SEC63: variants seen among roughly 807,000 people sequenced by gnomAD.
SEC63 encodes translocation protein SEC63 homolog.
Under a neutral mutation model 116.2 loss-of-function variants are expected in SEC63, and 56 were observed. That is an observed-to-expected ratio of 0.48 (90% CI 0.39 to 0.60). The LOEUF is 0.60. SEC63 is among the 20% of genes least tolerant of loss of function. The pLI is 0.00. For missense variants in SEC63, 668 were observed against 900.0 expected (o/e 0.74, Z 3.30); for synonymous variants, 273 against 294.6 (o/e 0.93, Z 0.75).
At chr6:107,909,596 CA>C (rs1214897715) in intron 7 of SEC63, among the ~76,000 whole-genome samples, 1 of 152,150 alleles carries the variant, frequency 6.6e-6, no homozygotes, top group Non-Finnish European at 1.5e-5. Flanking sequence ...ATAATCAAAA[CA>C]TTTACCATTT....
In SEC63 at chr6:107,870,563, C is replaced by T. The variant is rs1786107214; in HGVS notation, c.*1141G>A. On this transcript the variant is annotated 3_prime_UTR_variant, in exon 21 of 21. Coordinates refer to ENST00000369002, the MANE Select transcript of SEC63 (RefSeq NM_007214.5). Reference sequence around the variant, plus strand: ...CCTCAATGATTCATCATGTACACATCTCTACTCTTTACAAGCACTATCCTT... The same window carrying T: ...CCTCAATGATTCATCATGTACACATTTCTACTCTTTACAAGCACTATCCTT... The T allele has an allele frequency of 6.6e-6, 1 of 152,292 alleles. No homozygotes were observed. Among genetic ancestry groups the T allele is most frequent in the Non-Finnish European group, 1.5e-5 (1 of 68,028 alleles). The allele number at this position is 152,292 out of a possible 1,614,324, so 9.4% of individuals were successfully genotyped here.
Position 107,958,149 on chromosome 6 carries a change from T to C in SEC63, c.-140A>G, listed in dbSNP as rs1305924664. 1.5e-6 allele frequency: 2 copies of C among 1,338,782 alleles called. No homozygotes were observed. Among genetic ancestry groups the C allele is most frequent in the African/African-American group, 3.0e-5 (2 of 66,366 alleles). 82.9% of individuals were successfully genotyped at this position (1,338,782 alleles called of 1,614,324 possible). A position where few individuals can be genotyped will look rare whatever the true frequency, so the allele number is the denominator to read the frequency against. On this transcript the variant is annotated 5_prime_UTR_variant, in exon 1 of 21. Transcript: ENST00000369002. ...TCTCCTCCCCGCCCCCACGCCACTC[T>C]CACGGACACGCCGCCGCCACCTCTG... is the stretch of plus-strand genomic sequence containing the variant.
chr6:107,893,107 T>TACAC (rs55814816), intron 16 of SEC63, among the ~76,000 whole-genome samples: 97 of 145,918 alleles, frequency 6.6e-4, no homozygotes, highest in East Asian at 4.1e-3. Flanking sequence ...TGAAATACTA[T>TACAC]ACACACACAC....
rs1419628762 is a variant in SEC63, at chr6:107,953,761, C to T, written c.124+4125G>A. 7.9e-3 allele frequency among the ~76,000 whole-genome samples: 1,110 copies of T among 140,468 alleles called. 16 individuals carry two copies. Among genetic ancestry groups the T allele is most frequent in the African/African-American group, 0.028 (1,062 of 37,544 alleles). 92.2% of individuals were successfully genotyped at this position (140,468 alleles called of 152,430 possible). ...GAGGGAGGTGGGGGGTTCAGCCCCC[C>T]GCCCGGCCAGCCGCCCCGTCCGGGA... On this transcript the variant is annotated intron_variant, in intron 1 of 20. Coordinates refer to ENST00000369002, the MANE Select transcript of SEC63 (RefSeq NM_007214.5).
intron 16 of SEC63, among the ~76,000 whole-genome samples, chr6:107,885,514 A>G (rs1364692171): frequency 3.3e-5 from 5 of 152,240 alleles, no homozygotes; most frequent in Non-Finnish European, 5.9e-5. Flanking sequence ...ATCCAAATTA[A>G]TGAAGATAAA....
intron 18 of SEC63, chr6:107,876,887 A>G: frequency 4.0e-6 from 2 of 500,236 alleles, no homozygotes; most frequent in East Asian, 3.5e-5. Flanking sequence ...GGGGATTTCA[A>G]TAGCTCCTTA....
intron 19 of SEC63, among the ~76,000 whole-genome samples, chr6:107,874,684 T>TC (rs1375106990): frequency 6.6e-6 from 1 of 152,108 alleles, no homozygotes; most frequent in Non-Finnish European, 1.5e-5. Context: ...AAATCTCTTT[T>TC]TTTCTTTCTT....
Position 107,906,527 on chromosome 6 carries a change from G to C in SEC63, c.882C>G (p.Thr294=), listed in dbSNP as rs746631731. The change falls in exon 10 of 21, where the codon ACC becomes ACG. Residue 294 remains threonine (T), a synonymous_variant. Transcript: ENST00000369002. ...CTCTGGCCTTCAGGCTATATGGGCA[G>C]GTAAGTGGAGGCTCATTCTTCTTTA... ...INLKKNEPPL[T]CPYSLKARVL... The C allele has an allele frequency of 2.5e-6, 4 of 1,613,336 alleles. No homozygotes were observed. Among genetic ancestry groups the C allele is most frequent in the Admixed American group, 1.7e-5 (1 of 60,016 alleles).
chr6:107,881,233 T>C lies in SEC63; in HGVS notation c.1851A>G (p.Gln617=), dbSNP rs762421000. 1.7e-5 allele frequency: 28 copies of C among 1,612,222 alleles called. No individual in the cohort carries two copies. Among genetic ancestry groups the C allele is most frequent in the Non-Finnish European group, 2.2e-5 (26 of 1,178,956 alleles). Residue 617 remains glutamine, a synonymous_variant, in exon 18 of 21, where the codon CAA becomes CAG. Coordinates refer to ENST00000369002, the MANE Select transcript of SEC63 (RefSeq NM_007214.5). ...CTCTCTCTTTTCGCTGTATGCTTTGTTGTAATTCTTGCCACTCCTAGTAAA... is the reference window on the plus strand; with the variant it reads ...CTCTCTCTTTTCGCTGTATGCTTTGCTGTAATTCTTGCCACTCCTAGTAAA... ...KDDEAEWQEL[Q]QSIQRKERAL...
rs147376412 is a variant in SEC63 at position 107,872,750 on chromosome 6, T to C, written c.2139+58A>G. On this transcript the variant is annotated intron_variant, in intron 20 of 20. Coordinates refer to ENST00000369002, the MANE Select transcript of SEC63 (RefSeq NM_007214.5). ...CATTTCAAAACTAGAAATGTTTTCCTAGTATATTAAACATTTATACAGAAA... is the reference window on the plus strand; with the variant it reads ...CATTTCAAAACTAGAAATGTTTTCCCAGTATATTAAACATTTATACAGAAA... The C allele has an allele frequency of 4.1e-4, 408 of 1,004,804 alleles. 1 individual carries two copies. In the African/African-American group the frequency reaches 5.5e-3, roughly 14 times the overall value. The allele number at this position is 1,004,804 out of a possible 1,614,324, so 62.2% of individuals were successfully genotyped here. A position where few individuals can be genotyped will look rare whatever the true frequency, so the allele number is the denominator to read the frequency against.
At chr6:107,926,058 T>C (rs1349912638) in intron 2 of SEC63, among the ~76,000 whole-genome samples, 1 of 152,166 alleles carries the variant, frequency 6.6e-6, no homozygotes, top group East Asian at 1.9e-4. Context: ...CCTCAAGTGA[T>C]CCGCTCGCCT....
At chr6:107,882,674 G>A (rs1786439812) in intron 17 of SEC63, among the ~76,000 whole-genome samples, 1 of 151,958 alleles carries the variant, frequency 6.6e-6, no homozygotes, top group Non-Finnish European at 1.5e-5. Flanking sequence ...CATATTCCCA[G>A]AGATATCCCC....
intron 3 of SEC63, among the ~76,000 whole-genome samples, chr6:107,922,698 GTT>G (rs1787585267): frequency 6.6e-6 from 1 of 151,998 alleles, no homozygotes; most frequent in Admixed American, 6.6e-5. Context: ...TTTTTTCACT[GTT>G]TTTTATTGCC....
chr6:107,920,375 G>A (rs990971921), intron 4 of SEC63, among the ~76,000 whole-genome samples: 32 of 135,932 alleles, frequency 2.4e-4, no homozygotes, highest in African/African-American at 6.9e-4. Flanking sequence ...GCAGTGAGCC[G>A]AGATAGCGCC....
intron 6 of SEC63, 134 bp from the exon 7 acceptor site, chr6:107,911,530 A>T: frequency 1.4e-6 from 1 of 699,146 alleles, no homozygotes. Flanking sequence ...TTTAATCCTT[A>T]TTCTCAAACT....
chr6:107,929,757 A>G (rs1787757682), intron 1 of SEC63, among the ~76,000 whole-genome samples: 1 of 152,274 alleles, frequency 6.6e-6, no homozygotes. Flanking sequence ...AATGAGACTT[A>G]ATGAAAACAC....
At chr6:107,872,461 A>C (rs114036782) in intron 20 of SEC63, among the ~76,000 whole-genome samples, 1 of 152,076 alleles carries the variant, frequency 6.6e-6, no homozygotes, top group East Asian at 1.9e-4. Context: ...AAAATAAATT[A>C]GTTTCAGAAA....
intron 14 of SEC63, among the ~76,000 whole-genome samples, chr6:107,897,189 T>C (rs1397465959): frequency 1.3e-5 from 2 of 152,168 alleles, no homozygotes; most frequent in Non-Finnish European, 2.9e-5. Flanking sequence ...TTTAATTTGT[T>C]CCTATACTTT....
At chr6:107,908,634 G>GTGTC (rs1198114359) in intron 8 of SEC63, among the ~76,000 whole-genome samples, 3 of 152,092 alleles carry the variant, frequency 2.0e-5, no homozygotes, top group Non-Finnish European at 4.4e-5. Context: ...GTAACTAGCA[G>GTGTC]TGTCTGGCAT....
Sources: allele counts gnomAD v4.1 joint callset (sites outside exome capture counted in the v4.1 genomes callset), GRCh38; gene constraint gnomAD v4.1.1; transcripts MANE v1.5; gene names NCBI Gene and HGNC (gene_info 2026-07-23, HGNC 2026-07-21).